The following PCDHGA1 variants were observed in gnomAD, a reference collection of about 807,000 sequenced individuals.
PCDHGA1 encodes protocadherin gamma subfamily A, 1, also known as protocadherin gamma-A1.
PCDHGA1 carries 32 observed loss-of-function variants against 58.0 expected under a neutral mutation model. The observed-to-expected ratio is 0.55, with a 90% CI of 0.42 to 0.74. The LOEUF is 0.74. Ranked by LOEUF, PCDHGA1 falls within the 30% of genes least tolerant of loss-of-function variation. PCDHGA1 has a pLI of 0.00. For missense variants in PCDHGA1, 1,205 were observed against 1,182.3 expected, an observed-to-expected ratio of 1.02 and a Z score of -0.28; for synonymous variants, 498 against 501.1, an observed-to-expected ratio of 0.99 and a Z score of 0.08.
At chr5:141,388,923 T>G (rs374663443) in intron 1 of PCDHGA1, 2 of 1,614,002 alleles carry the variant, frequency 1.2e-6, no homozygotes, top group Admixed American at 1.7e-5. Context: ...AGAAGTGATA[T>G]TCCAGTCTCT....
intron 1 of PCDHGA1, chr5:141,423,833 T>G: frequency 1.8e-5 from 23 of 1,262,362 alleles, no homozygotes; most frequent in East Asian, 7.3e-5. Flanking sequence ...TTCATGAGAT[T>G]ACGATAATCT....
chr5:141,473,699 C>T (rs560096812), intron 1 of PCDHGA1, among the ~76,000 whole-genome samples: 2 of 152,244 alleles, frequency 1.3e-5, no homozygotes, highest in South Asian at 2.1e-4. Flanking sequence ...TGACCACCCT[C>T]CAAGTGGTGC....
intron 1 of PCDHGA1, chr5:141,427,833 G>T (rs1345567011): frequency 6.5e-7 from 1 of 1,540,964 alleles, no homozygotes; most frequent in Non-Finnish European, 8.9e-7. Flanking sequence ...CGCGCAGCGT[G>T]CCTTCGACCA....
At chr5:141,413,336 A>G (rs1561741680) in intron 1 of PCDHGA1, 1 of 1,613,972 alleles carries the variant, frequency 6.2e-7, no homozygotes, top group Non-Finnish European at 8.5e-7. Flanking sequence ...AACATCTCCA[A>G]GGACTTGGGT....
At chr5:141,376,830 G>A (rs1343049579) in intron 1 of PCDHGA1, 1 of 266,580 alleles carries the variant, frequency 3.8e-6, no homozygotes, top group Non-Finnish European at 7.1e-6. Flanking sequence ...GGGACTACAG[G>A]CGCCCGCCAC....
chr5:141,357,502 C>A (rs1760632616), intron 1 of PCDHGA1: 1 of 1,614,264 alleles, frequency 6.2e-7, no homozygotes, highest in African/African-American at 1.3e-5. Context: ...GAAGAGTCAC[C>A]TGATCTTCTC....
chr5:141,380,433 A>G (rs1228885429), intron 1 of PCDHGA1, among the ~76,000 whole-genome samples: 1 of 152,256 alleles, frequency 6.6e-6, no homozygotes, highest in Non-Finnish European at 1.5e-5. Context: ...TAGACTTTAC[A>G]TAGAATTCTT....
intron 1 of PCDHGA1, chr5:141,387,798 G>T: frequency 6.6e-7 from 1 of 1,505,108 alleles, no homozygotes; most frequent in Non-Finnish European, 8.9e-7. Context: ...ACTAAAGTCC[G>T]TTCGGAGATC....
intron 1 of PCDHGA1, chr5:141,419,357 AC>A (rs1185938270): frequency 3.7e-6 from 6 of 1,613,814 alleles, no homozygotes; most frequent in Non-Finnish European, 4.2e-6. Context: ...GGAGTCACGA[AC>A]GCTGTCGTCC....
At chr5:141,366,818 C>T (rs367913992) in intron 1 of PCDHGA1, 3 of 1,545,048 alleles carry the variant, frequency 1.9e-6, no homozygotes, top group Non-Finnish European at 1.7e-6. Flanking sequence ...ATGTTTCTGT[C>T]ATATTCAGAA....
At chr5:141,393,228 G>C (rs753113857) in intron 1 of PCDHGA1, 2 of 1,613,720 alleles carry the variant, frequency 1.2e-6, no homozygotes, top group East Asian at 2.2e-5. Context: ...CGAAGATCTA[G>C]AAGTAAAAAT....
intron 1 of PCDHGA1, chr5:141,404,621 G>T: frequency 6.2e-7 from 1 of 1,614,174 alleles, no homozygotes; most frequent in South Asian, 1.1e-5. Context: ...GGACCAGAAT[G>T]ACAATGCCCC....
At chr5:141,357,680 A>C (rs913716274) in intron 1 of PCDHGA1, 1 of 1,580,070 alleles carries the variant, frequency 6.3e-7, no homozygotes, top group Admixed American at 1.8e-5. Flanking sequence ...AGTTGTGTAA[A>C]TGTCTCTCAT....
In PCDHGA1 at chr5:141,418,344, T is replaced by C. The variant is rs746519142; in HGVS notation, c.2422-76463T>C. On this transcript the variant is annotated intron_variant, in intron 1 of 3. Transcript: ENST00000517417. ...CTTGAGTCTGCAGAAGATCCTGATA[T>C]TAGTATGAATTCGCTGAGCAAATAC... 4.3e-6 allele frequency: 7 copies of C among 1,613,890 alleles called. No individual in the cohort carries two copies. The highest frequency in any genetic ancestry group is 2.2e-5 in the South Asian group (2 of 91,086).
intron 1 of PCDHGA1, among the ~76,000 whole-genome samples, chr5:141,462,269 T>C (rs2099036247): frequency 6.6e-6 from 1 of 152,230 alleles, no homozygotes; most frequent in Admixed American, 6.5e-5. Context: ...CTAAAGTGTA[T>C]TGTTTAGTCA....
At chr5:141,350,295 G>C (rs748197603) in intron 1 of PCDHGA1, 3 of 1,518,322 alleles carry the variant, frequency 2.0e-6, no homozygotes, top group Non-Finnish European at 2.6e-6. Flanking sequence ...ATGATGAAAA[G>C]TCAGGTACTG....
At chr5:141,423,495 C>T in intron 1 of PCDHGA1, 1 of 1,613,946 alleles carries the variant, frequency 6.2e-7, no homozygotes, top group African/African-American at 1.3e-5. Context: ...CCTATTCCCA[C>T]GAGGTCTCTC....
intron 1 of PCDHGA1, chr5:141,364,694 G>C (rs1404182809): frequency 4.3e-6 from 7 of 1,613,976 alleles, no homozygotes; most frequent in Non-Finnish European, 5.1e-6. Flanking sequence ...AGTAGAAGTA[G>C]AAATAATCGA....
Position 141,511,375 on chromosome 5 carries a change from A to G in PCDHGA1, c.*202A>G. 2 of 1,236,730 alleles carry G rather than the reference A, an allele frequency of 1.6e-6. No individual in the cohort carries two copies. The highest frequency in any genetic ancestry group is 2.2e-6 in the Non-Finnish European group (2 of 912,840). 76.6% of individuals were successfully genotyped at this position (1,236,730 alleles called of 1,614,324 possible). A position where few individuals can be genotyped will look rare whatever the true frequency, so the allele number is the denominator to read the frequency against. On this transcript the variant is annotated 3_prime_UTR_variant, in exon 4 of 4. Coordinates refer to ENST00000517417, the MANE Select transcript of PCDHGA1 (RefSeq NM_018912.3). ...CCCAGGGGGTTGAATATGCAAAAGCAGTTCCGCTGGGAACCCCCATCCAAT... is the reference window on the plus strand; with the variant it reads ...CCCAGGGGGTTGAATATGCAAAAGCGGTTCCGCTGGGAACCCCCATCCAAT...
Sources: allele counts gnomAD v4.1 joint callset (sites outside exome capture counted in the v4.1 genomes callset), GRCh38; gene constraint gnomAD v4.1.1; transcripts MANE v1.5; gene names NCBI Gene and HGNC (gene_info 2026-07-23, HGNC 2026-07-21).